Variants in ATP8B4 observed in about 807,000 individuals in gnomAD.
ATP8B4 encodes the protein probable phospholipid-transporting ATPase IM.
In ATP8B4, 133 loss-of-function variants were observed where a neutral mutation model predicts 145.6. That is an observed-to-expected ratio of 0.91 (90% CI 0.79 to 1.05). The LOEUF (loss-of-function observed/expected upper bound fraction) is 1.05. Ranked by LOEUF, ATP8B4 falls within the 50% of genes least tolerant of loss-of-function variation. ATP8B4 has a pLI of 0.00. For synonymous variants in ATP8B4, 507 were observed against 492.9 expected (o/e 1.03, Z -0.38); for missense variants, 1,458 against 1,425.2 (o/e 1.02, Z -0.37).
chr15:49,919,452 C>CG (rs2040048390), intron 18 of ATP8B4, among the ~76,000 whole-genome samples: 1 of 152,178 alleles, frequency 6.6e-6, no homozygotes, highest in Non-Finnish European at 1.5e-5. Context: ...GAGTCTTGCT[C>CG]TGTCGCCCAG....
At chr15:50,123,428 G>A (rs2057286464), upstream of ATP8B4, among the ~76,000 whole-genome samples, 1 of 152,172 alleles carries the variant, frequency 6.6e-6, no homozygotes, top group Admixed American at 6.5e-5. Context: ...TAGGAGTCAT[G>A]CAGCCAGAGG....
chr15:49,864,761 C>A (rs2032489192), intron 26 of ATP8B4, among the ~76,000 whole-genome samples: 1 of 152,172 alleles, frequency 6.6e-6, no homozygotes. Flanking sequence ...TAATAATAAT[C>A]ACCATCACCA....
At chr15:50,128,452 A>C (rs2057321463) in intron 1 of ATP8B4, among the ~76,000 whole-genome samples, 1 of 152,224 alleles carries the variant, frequency 6.6e-6, no homozygotes, top group South Asian at 2.1e-4. Context: ...TGGCTGATGA[A>C]GGGCAAGGCC....
chr15:49,992,657 G>A (rs978595512), intron 9 of ATP8B4, among the ~76,000 whole-genome samples: 5 of 152,148 alleles, frequency 3.3e-5, no homozygotes, highest in Non-Finnish European at 5.9e-5. Flanking sequence ...ATACTTGGAA[G>A]ATGTGCTTTT....
chr15:50,143,052 A>G (rs1002859906), intron 1 of ATP8B4, among the ~76,000 whole-genome samples: 9 of 152,326 alleles, frequency 5.9e-5, no homozygotes, highest in African/African-American at 2.2e-4. Flanking sequence ...GAGGATATCA[A>G]CCTCATCAAA....
At chr15:50,137,136 T>C (rs1378046324) in intron 1 of ATP8B4, among the ~76,000 whole-genome samples, 1 of 152,190 alleles carries the variant, frequency 6.6e-6, no homozygotes, top group Non-Finnish European at 1.5e-5. Context: ...TCAAGCAACA[T>C]GCTAGCACTG....
intron 20 of ATP8B4, among the ~76,000 whole-genome samples, chr15:49,911,659 A>G (rs539829336): frequency 6.6e-6 from 1 of 152,160 alleles, no homozygotes; most frequent in Non-Finnish European, 1.5e-5. Context: ...AGAACATTAG[A>G]TTTAAACTGG....
intron 2 of ATP8B4, among the ~76,000 whole-genome samples, chr15:50,085,970 T>TCATATATATATCATATATATTTA (rs1567331476): frequency 1.1e-5 from 1 of 89,248 alleles, no homozygotes; most frequent in African/African-American, 6.4e-5. Context: ...TATTTATATA[T>TCATATATATATCATATATATTTA]GATATATCAA....
At chr15:50,088,184 G>A (rs12441604) in intron 2 of ATP8B4, among the ~76,000 whole-genome samples, 89,277 of 151,854 alleles carry the variant, frequency 0.59, 26,294 homozygotes, top group East Asian at 0.7. Context: ...GCAGAAGCTC[G>A]AGACCAGCCT....
chr15:50,137,474 G>A (rs987766543), intron 1 of ATP8B4, among the ~76,000 whole-genome samples: 3 of 152,170 alleles, frequency 2.0e-5, no homozygotes, highest in East Asian at 3.8e-4. Context: ...ACTCACAAGC[G>A]ATCAATCACC....
chr15:50,109,880 T>A (rs530558819), intron 1 of ATP8B4, among the ~76,000 whole-genome samples: 1 of 152,306 alleles, frequency 6.6e-6, no homozygotes, highest in African/African-American at 2.4e-5. Flanking sequence ...CTCTATCTTA[T>A]TTTAGATCTT....
At chr15:50,178,216 T>G (rs2044792069) in intron 1 of ATP8B4, among the ~76,000 whole-genome samples, 2 of 152,244 alleles carry the variant, frequency 1.3e-5, no homozygotes, top group African/African-American at 4.8e-5. Context: ...GAAATCTTGA[T>G]AGAGGAAATG....
At chr15:49,861,232 A>G (rs1272882075) in intron 27 of ATP8B4, among the ~76,000 whole-genome samples, 2 of 152,192 alleles carry the variant, frequency 1.3e-5, no homozygotes, top group Non-Finnish European at 2.9e-5. Flanking sequence ...TCGGACAAAC[A>G]AGCACATCCT....
At chr15:50,029,295 T>C (rs2050262605) in intron 6 of ATP8B4, among the ~76,000 whole-genome samples, 1 of 150,036 alleles carries the variant, frequency 6.7e-6, no homozygotes, top group Non-Finnish European at 1.5e-5. Flanking sequence ...CTTGCAGCTC[T>C]TCAGGCAAGA....
At chr15:49,995,885 A>T (rs1376191610) in intron 9 of ATP8B4, among the ~76,000 whole-genome samples, 1 of 152,104 alleles carries the variant, frequency 6.6e-6, no homozygotes, top group Non-Finnish European at 1.5e-5. Context: ...GCAGCCTATT[A>T]TGGTGCCTAA....
chr15:50,095,758 A>AG (rs1158592134), intron 2 of ATP8B4, among the ~76,000 whole-genome samples: 1 of 151,988 alleles, frequency 6.6e-6, no homozygotes, highest in African/African-American at 2.4e-5. Flanking sequence ...GTTTCTAAAA[A>AG]AAAAAAGAAA....
At position 50,109,439 on chromosome 15, in the gene ATP8B4, T is replaced by C. The variant is rs552740372; in HGVS notation, c.-42-2431A>G. On this transcript the variant is annotated intron_variant, in intron 1 of 27. Coordinates refer to ENST00000284509, the MANE Select transcript of ATP8B4 (RefSeq NM_024837.4). Reference sequence around the variant, plus strand: ...TCATAGCAACAAATACAAAATGGTATTGGGCAGGTGAATGAATTCTGTGAC... The same window carrying C: ...TCATAGCAACAAATACAAAATGGTACTGGGCAGGTGAATGAATTCTGTGAC... Among the ~76,000 whole-genome samples, 6 of 152,146 alleles carry C rather than the reference T, an allele frequency of 3.9e-5. No homozygotes were observed. In the South Asian group the frequency reaches 1.0e-3, roughly 26 times the overall value.
chr15:49,966,687 G>A (rs1215296331), intron 13 of ATP8B4, among the ~76,000 whole-genome samples: 8 of 152,148 alleles, frequency 5.3e-5, no homozygotes, highest in African/African-American at 1.7e-4. Context: ...GGCTGTGCGC[G>A]CAGCGTCAGC....
chr15:49,946,080 C>T (rs1248992435), intron 14 of ATP8B4, among the ~76,000 whole-genome samples: 4 of 152,076 alleles, frequency 2.6e-5, no homozygotes, highest in Admixed American at 1.3e-4. Context: ...GAAGATGATG[C>T]TATCTTACAT....
Sources: gnomAD v4.1 joint callset for allele counts (sites outside exome capture counted in the v4.1 genomes callset) on GRCh38, gnomAD v4.1.1 for gene constraint, MANE v1.5 for transcripts, NCBI Gene and HGNC (gene_info 2026-07-23, HGNC 2026-07-21) for gene names.